The following DCK variants were observed in gnomAD, a reference collection of about 807,000 sequenced individuals.
The protein encoded by DCK is deoxyadenosine kinase.
A neutral mutation model predicts 38.3 loss-of-function variants in DCK; 23 were observed. That is an observed-to-expected ratio of 0.60 (90% CI 0.43 to 0.85). The LOEUF is 0.85. Among genes scored for constraint, DCK ranks in the 40% least tolerant of loss-of-function variants. The pLI is 0.00. For synonymous variants in DCK, 108 were observed against 100.6 expected (o/e 1.07, Z -0.44); for missense variants, 259 against 304.4 (o/e 0.85, Z 1.11).
In DCK at chr4:71,030,654, T is replaced by C. The variant is rs942834635; in HGVS notation, c.*1276T>C. The stretch of plus-strand genomic sequence containing the variant: ...TTTCTTAAGTATAAACCTTATGAAC[T>C]ACAGTGGAGCTACACTCATTGAAAT... On this transcript the variant is annotated 3_prime_UTR_variant, in exon 7 of 7. Coordinates refer to ENST00000286648, the MANE Select transcript of DCK (RefSeq NM_000788.3). 39 of 152,250 alleles carry C rather than the reference T, an allele frequency of 2.6e-4. No homozygotes were observed. The highest frequency in any genetic ancestry group is 8.2e-4 in the African/African-American group (34 of 41,582). The allele number at this position is 152,250 out of a possible 1,614,324, so 9.4% of individuals were successfully genotyped here.
chr4:71,026,777 A>G (rs374531654), intron 6 of DCK, 22 bp downstream of exon 6: 5 of 1,201,462 alleles, frequency 4.2e-6, no homozygotes, highest in Non-Finnish European at 6.1e-6. Context: ...CAGACTACAA[A>G]CAAATATTTG....
Position 71,022,497 on chromosome 4 carries a change from A to G in DCK, c.338A>G (p.Asn113Ser). 1 of 1,607,756 alleles carries G rather than the reference A, an allele frequency of 6.2e-7. No homozygotes were observed. Among genetic ancestry groups the G allele is most frequent in the Non-Finnish European group, 8.5e-7 (1 of 1,177,726 alleles). ...ATAAGAGCTCAGCTTGCCTCTCTGA[A>G]TGGCAAGCTCAAAGATGCAGAGAAA... ...SRIRAQLASL[N>S]GKLKDAEKPV... The change falls in exon 3 of 7, where the codon AAT (asparagine) becomes AGT (serine). Residue 113 changes from asparagine to serine, a missense_variant. This residue lies in a region of DCK where 159 missense variants were observed against 159.0 expected (regional missense o/e 1.00). Transcript: ENST00000286648.
At chr4:70,998,219 G>T in intron 2 of DCK, 37 bp downstream of exon 2, 2 of 994,002 alleles carry the variant, frequency 2.0e-6, no homozygotes, top group Non-Finnish European at 3.1e-6. Flanking sequence ...AAAGCCTCTT[G>T]GTTTAGAGGA....
At position 70,993,830 on chromosome 4, in the gene DCK, T is replaced by C. The variant is rs2148910588; in HGVS notation, c.-6T>C. The C allele has an allele frequency of 6.2e-7, 1 of 1,610,724 alleles. No individual in the cohort carries two copies. The highest frequency in any genetic ancestry group is 1.3e-5 in the African/African-American group (1 of 74,916). On this transcript the variant is annotated 5_prime_UTR_variant, in exon 1 of 7. Coordinates refer to ENST00000286648, the MANE Select transcript of DCK (RefSeq NM_000788.3). ...GACGAGCTCTGGGCCGCCACAAGAC[T>C]AAGGAATGGCCACCCCGCCCAAGAG...
At chr4:71,018,388 A>G (rs1460436318) in intron 2 of DCK, among the ~76,000 whole-genome samples, 1 of 152,082 alleles carries the variant, frequency 6.6e-6, no homozygotes, top group African/African-American at 2.4e-5. Context: ...TTGGCCTCCC[A>G]AAGTGCTAGG....
At chr4:71,000,917 C>T (rs1739785747) in intron 2 of DCK, among the ~76,000 whole-genome samples, 1 of 152,134 alleles carries the variant, frequency 6.6e-6, no homozygotes, top group Admixed American at 6.6e-5. Context: ...GGATTATGGG[C>T]TGAGATGATG....
intron 4 of DCK, among the ~76,000 whole-genome samples, chr4:71,025,357 A>G (rs1255858253): frequency 6.6e-6 from 1 of 152,036 alleles, no homozygotes; most frequent in Non-Finnish European, 1.5e-5. Flanking sequence ...AAACATTCCA[A>G]AGTTGTTTTG....
At chr4:71,015,838 CA>C (rs1206794948) in intron 2 of DCK, among the ~76,000 whole-genome samples, 1 of 152,096 alleles carries the variant, frequency 6.6e-6, no homozygotes, top group Non-Finnish European at 1.5e-5. Flanking sequence ...ACTGAATGGG[CA>C]AAAACTGGAA....
At chr4:71,028,461 G>A (rs1190806267) in intron 6 of DCK, among the ~76,000 whole-genome samples, 3 of 152,096 alleles carry the variant, frequency 2.0e-5, no homozygotes, top group Non-Finnish European at 4.4e-5. Context: ...AGACATGATG[G>A]TGTGCACCTA....
chr4:71,020,686 T>C (rs1218292267), intron 2 of DCK, among the ~76,000 whole-genome samples: 2 of 152,108 alleles, frequency 1.3e-5, no homozygotes, highest in Non-Finnish European at 2.9e-5. Flanking sequence ...CCTCAAAACA[T>C]GACTAGAGTT....
At position 71,015,045 on chromosome 4, in the gene DCK, CAG is replaced by C. The variant is rs1252837764; in HGVS notation, c.208-7318_208-7317del. ...CTAGCAAGACTAATAAAGAAGAAAA[CAG>C]AGAAGAATCAAATAGACTCAATAAA... On this transcript the variant is annotated intron_variant, in intron 2 of 6. Coordinates refer to ENST00000286648, the MANE Select transcript of DCK (RefSeq NM_000788.3). 3.9e-5 allele frequency among the ~76,000 whole-genome samples: 6 copies of C among 152,028 alleles called. No homozygotes were observed. In the South Asian group the frequency reaches 6.2e-4, roughly 16 times the overall value.
At chr4:70,996,765 A>G (rs1040698956) in intron 1 of DCK, among the ~76,000 whole-genome samples, 1 of 152,146 alleles carries the variant, frequency 6.6e-6, no homozygotes, top group Non-Finnish European at 1.5e-5. Flanking sequence ...TGTTACTCAA[A>G]TGTTCCCTTA....
intron 2 of DCK, among the ~76,000 whole-genome samples, chr4:71,012,350 G>A (rs1740123081): frequency 6.6e-6 from 1 of 152,270 alleles, no homozygotes; most frequent in Admixed American, 6.5e-5. Context: ...GCAGGGCATA[G>A]CTGAACAAAA....
At chr4:71,011,922 A>G (rs1320659953) in intron 2 of DCK, among the ~76,000 whole-genome samples, 1 of 152,238 alleles carries the variant, frequency 6.6e-6, no homozygotes, top group Non-Finnish European at 1.5e-5. Flanking sequence ...ACCACTCTGT[A>G]TGTATCTTTT....
intron 2 of DCK, among the ~76,000 whole-genome samples, chr4:71,017,311 A>G (rs2148917565): frequency 6.6e-6 from 1 of 152,316 alleles, no homozygotes; most frequent in South Asian, 2.1e-4. Context: ...GAGAAATGGG[A>G]ACACTTTTCC....
In DCK at chr4:71,022,437, C is replaced by A; in HGVS notation, c.278C>A (p.Ser93Tyr). The change falls in exon 3 of 7, where the codon TCT becomes TAT. Residue 93 changes from serine to tyrosine, a missense_variant. Coordinates refer to ENST00000286648, the MANE Select transcript of DCK (RefSeq NM_000788.3). The stretch of plus-strand genomic sequence containing the variant: ...ATGTATGAGAAACCTGAACGATGGT[C>A]TTTTACCTTCCAAACATATGCCTGT... ...QMMYEKPERW[S>Y]FTFQTYACLS... 6.2e-7 allele frequency: 1 copy of A among 1,609,964 alleles called. No individual in the cohort carries two copies. Among genetic ancestry groups the A allele is most frequent in the South Asian group, 1.1e-5 (1 of 90,120 alleles).
At chr4:71,015,759 A>G (rs1277401049) in intron 2 of DCK, among the ~76,000 whole-genome samples, 2 of 152,302 alleles carry the variant, frequency 1.3e-5, no homozygotes, top group Middle Eastern at 3.4e-3. Context: ...CTCTCAATAA[A>G]TTAGGTATTG....
At chr4:71,012,058 G>A (rs112122243) in intron 2 of DCK, among the ~76,000 whole-genome samples, 149 of 152,300 alleles carry the variant, frequency 9.8e-4, no homozygotes, top group African/African-American at 3.3e-3. Context: ...TATCAAAAGA[G>A]GGGACTAAAA....
chr4:71,012,988 C>A lies in DCK; in HGVS notation c.208-9379C>A, dbSNP rs188369834. Among the ~76,000 whole-genome samples, 170 of 152,300 alleles carry A rather than the reference C, an allele frequency of 1.1e-3. No individual in the cohort carries two copies. In the East Asian group the frequency reaches 0.02, roughly 18 times the overall value. ...TCCGAGCTAAAGGAGGAAGTTCGAA[C>A]CCATGGCAAAGAAGCTAAAAACCTT... is the stretch of plus-strand genomic sequence containing the variant. On this transcript the variant is annotated intron_variant, in intron 2 of 6. Transcript: ENST00000286648.
Sources: allele counts gnomAD v4.1 joint callset (sites outside exome capture counted in the v4.1 genomes callset), GRCh38; gene constraint gnomAD v4.1.1; regional missense constraint gnomAD v4.1.1; transcripts MANE v1.5; gene names NCBI Gene and HGNC (gene_info 2026-07-23, HGNC 2026-07-21).